COL18A1: variants seen among roughly 807,000 people sequenced by gnomAD.
COL18A1 encodes collagen alpha-1(XVIII) chain.
Under a neutral mutation model 168.0 loss-of-function variants are expected in COL18A1, and 133 were observed. The observed-to-expected ratio is 0.79, with a 90% CI of 0.69 to 0.91. The LOEUF (loss-of-function observed/expected upper bound fraction) is 0.91. Ranked by LOEUF, COL18A1 falls within the 40% of genes least tolerant of loss-of-function variation. The pLI, the probability that COL18A1 is intolerant of heterozygous loss-of-function variation, is 0.00. For missense variants in COL18A1, 2,126 were observed against 1,925.4 expected, an observed-to-expected ratio of 1.10 and a Z score of -1.95; for synonymous variants, 949 against 809.0, an observed-to-expected ratio of 1.17 and a Z score of -2.94.
chr21:45,467,420 A>T (rs2035250671), intron 2 of COL18A1: 1 of 985,254 alleles, frequency 1.0e-6, no homozygotes, highest in Non-Finnish European at 1.2e-6. Flanking sequence ...GCACGTTGGC[A>T]GGTACGTCAG....
intron 2 of COL18A1, among the ~76,000 whole-genome samples, chr21:45,430,141 C>T (rs774241557): frequency 1.4e-5 from 2 of 148,094 alleles, no homozygotes; most frequent in Non-Finnish European, 3.0e-5. Flanking sequence ...AGCGCCCTCT[C>T]GCCCTCGCCT....
At chr21:45,481,312 AC>A (rs2035884886) in intron 13 of COL18A1, among the ~76,000 whole-genome samples, 1 of 152,124 alleles carries the variant, frequency 6.6e-6, no homozygotes, top group Admixed American at 6.5e-5. Flanking sequence ...GCAGGTCATG[AC>A]TGGCAGCAGG....
In COL18A1 at chr21:45,491,276, G is replaced by C; in HGVS notation, c.2119G>C (p.Gly707Arg). Reference sequence around the variant, plus strand: ...GCAGCCGGGCCTCCCTGGCCCCCCCGGACCCCCGGGACCTGTGGTCTACGT... The same window carrying C: ...GCAGCCGGGCCTCCCTGGCCCCCCCCGACCCCCGGGACCTGTGGTCTACGT... ...VGQPGLPGPP[G>R]PPGPVVYVSE... The change falls in exon 22 of 42, where the codon GGA becomes CGA. Residue 707 changes from glycine to arginine, a missense_variant. Transcript: ENST00000651438. The C allele has an allele frequency of 6.2e-7, 1 of 1,612,176 alleles. No homozygotes were observed. Among genetic ancestry groups the C allele is most frequent in the Non-Finnish European group, 8.5e-7 (1 of 1,179,680 alleles).
rs1329909625 is a variant in COL18A1, at chr21:45,507,441, C to T, written c.3217-120C>T. On this transcript the variant is annotated intron_variant, in intron 37 of 41. Transcript: ENST00000651438. ...AGGGGCAGGTGCTGGGCAGGGAGGG[C>T]ACCCTCCTGTGGGCTGGGAGGGCCA... The T allele has an allele frequency of 8.6e-5, 76 of 888,016 alleles. No homozygotes were observed. In the East Asian group the frequency reaches 1.9e-3, roughly 22 times the overall value. The allele number at this position is 888,016 out of a possible 1,614,324, so 55.0% of individuals were successfully genotyped here. A position where few individuals can be genotyped will look rare whatever the true frequency, so the allele number is the denominator to read the frequency against.
chr21:45,483,706 G>A (rs2035976525), intron 15 of COL18A1, among the ~76,000 whole-genome samples: 1 of 152,196 alleles, frequency 6.6e-6, no homozygotes, highest in Non-Finnish European at 1.5e-5. Flanking sequence ...GCACTAACGG[G>A]GAACTTTCCC....
intron 2 of COL18A1, among the ~76,000 whole-genome samples, chr21:45,442,350 C>T (rs1349118804): frequency 1.3e-5 from 2 of 152,342 alleles, no homozygotes; most frequent in Admixed American, 6.5e-5. Flanking sequence ...AGGCACACGT[C>T]GTGTCTGTGG....
intron 2 of COL18A1, chr21:45,422,278 C>G (rs979714748): frequency 5.9e-6 from 2 of 339,642 alleles, no homozygotes; most frequent in Non-Finnish European, 1.2e-5. Flanking sequence ...CCCGCTTGCT[C>G]TCTGTCTGTA....
At position 45,499,505 on chromosome 21, in the gene COL18A1, T is replaced by TGC. The variant is rs2036664386; in HGVS notation, c.2683+1845_2683+1846insCG. Among the ~76,000 whole-genome samples the TGC allele has an allele frequency of 7.0e-5, 3 of 42,578 alleles. 1 individual carries two copies. Among genetic ancestry groups the TGC allele is most frequent in the African/African-American group, 3.5e-4 (3 of 8,562 alleles). 27.9% of individuals were successfully genotyped at this position (42,578 alleles called of 152,430 possible). A position where few individuals can be genotyped will look rare whatever the true frequency, so the allele number is the denominator to read the frequency against. On this transcript the variant is annotated intron_variant, in intron 32 of 41. Coordinates refer to ENST00000651438, the MANE Select transcript of COL18A1 (RefSeq NM_001379500.1). ...GGGGTCAGAGGCTCCCTCAGGAACC[T>TGC]GTGTGGGCTGCCCCGCATGGCATCC...
intron 15 of COL18A1, 70 bp downstream of exon 15, chr21:45,482,891 A>G: frequency 6.2e-7 from 1 of 1,611,492 alleles, no homozygotes; most frequent in Non-Finnish European, 8.5e-7. Context: ...ACCCCCAAAG[A>G]GGGTGGCAGC....
In COL18A1 at chr21:45,477,504, G is replaced by A. The variant is rs745890160; in HGVS notation, c.1005+17G>A. On this transcript the variant is annotated intron_variant, in intron 7 of 41. Coordinates refer to ENST00000651438, the MANE Select transcript of COL18A1 (RefSeq NM_001379500.1). ...GTGAAAGAGGTAAGGCCACCTCCCTGTGCTCCTGAACCATTCTGAACCAGA... is the reference window on the plus strand; with the variant it reads ...GTGAAAGAGGTAAGGCCACCTCCCTATGCTCCTGAACCATTCTGAACCAGA... The A allele has an allele frequency of 5.6e-6, 9 of 1,596,958 alleles. No individual in the cohort carries two copies. In the East Asian group the frequency reaches 1.6e-4, roughly 28 times the overall value.
intron 2 of COL18A1, among the ~76,000 whole-genome samples, chr21:45,417,701 G>A (rs943134996): frequency 1.6e-4 from 24 of 152,316 alleles, no homozygotes; most frequent in East Asian, 3.9e-4. Context: ...GCTCTCGGCC[G>A]GGGGATGTGG....
Position 45,491,266 on chromosome 21 carries a change from T to TGGCCCCCCC in COL18A1, c.2112_2120dup (p.Pro709_Pro711dup). On this transcript the variant is annotated inframe_insertion, in exon 22 of 42. Coordinates refer to ENST00000651438, the MANE Select transcript of COL18A1 (RefSeq NM_001379500.1). ...ACGGAGTCGGGCAGCCGGGCCTCCC[T>TGGCCCCCCC]GGCCCCCCCGGACCCCCGGGACCTG... 1 of 1,612,260 alleles carries TGGCCCCCCC rather than the reference T, an allele frequency of 6.2e-7. No homozygotes were observed. Among genetic ancestry groups the TGGCCCCCCC allele is most frequent in the East Asian group, 2.2e-5 (1 of 44,868 alleles).
chr21:45,405,298 C>CGGCTGGGTCCTGCGGGGGTCCT, intron 1 of COL18A1, 57 bp downstream of exon 1: 1 of 521,436 alleles, frequency 1.9e-6, no homozygotes, highest in Non-Finnish European at 2.4e-6. Context: ...CTGCGGGGGT[C>CGGCTGGGTCCTGCGGGGGTCCT]GCGGGGGTCG....
Position 45,468,805 on chromosome 21 carries a change from T to C in COL18A1, c.651+19T>C. The C allele has an allele frequency of 1.5e-6, 2 of 1,338,538 alleles. No individual in the cohort carries two copies. Among genetic ancestry groups the C allele is most frequent in the South Asian group, 2.4e-5 (2 of 84,214 alleles). The allele number at this position is 1,338,538 out of a possible 1,614,324, so 82.9% of individuals were successfully genotyped here. A position where few individuals can be genotyped will look rare whatever the true frequency, so the allele number is the denominator to read the frequency against. The stretch of plus-strand genomic sequence containing the variant: ...GTTCCAGGTAACCCCCACTGTGCCG[T>C]CGCTGGGGGACTGGAGCAGCTGGGA... On this transcript the variant is annotated intron_variant, in intron 3 of 41. Coordinates refer to ENST00000651438, the MANE Select transcript of COL18A1 (RefSeq NM_001379500.1).
At chr21:45,506,069 CAGGTGGCAGCCAGCGCTTCTT>C (rs2037186933) in intron 37 of COL18A1, 103 bp downstream of exon 37, 5 of 1,551,752 alleles carry the variant, frequency 3.2e-6, no homozygotes, top group Admixed American at 3.4e-5. Context: ...GGGATGGGAG[CAGGTGGCAGCCAGCGCTTCTT>C]AAACTTTCAA....
intron 2 of COL18A1, among the ~76,000 whole-genome samples, chr21:45,446,728 T>C (rs1378203748): frequency 1.3e-5 from 2 of 151,338 alleles, no homozygotes; most frequent in Admixed American, 1.3e-4. Flanking sequence ...TAGTTTATCT[T>C]ACGAATTATG....
chr21:45,450,697 G>A (rs1402179141), intron 2 of COL18A1, among the ~76,000 whole-genome samples: 4 of 152,192 alleles, frequency 2.6e-5, no homozygotes, highest in African/African-American at 9.7e-5. Flanking sequence ...TGCAGGGAGT[G>A]GGGAGGCTCA....
intron 2 of COL18A1, among the ~76,000 whole-genome samples, chr21:45,438,064 TCA>T (rs1249885851): frequency 5.7e-5 from 5 of 88,120 alleles, no homozygotes; most frequent in Non-Finnish European, 1.1e-4. Flanking sequence ...ACACTCACAC[TCA>T]CACTCAGACA....
chr21:45,418,631 G>T (rs539577444), intron 2 of COL18A1, among the ~76,000 whole-genome samples: 1 of 95,254 alleles, frequency 1.0e-5, no homozygotes, highest in Admixed American at 1.1e-4. Flanking sequence ...TGACCCCACC[G>T]TGTCCACAGC....
Sources: gnomAD v4.1 joint callset for allele counts (sites outside exome capture counted in the v4.1 genomes callset) on GRCh38, gnomAD v4.1.1 for gene constraint, MANE v1.5 for transcripts, NCBI Gene and HGNC (gene_info 2026-07-23, HGNC 2026-07-21) for gene names.